The following ANKRD30B variants were observed in gnomAD, a reference collection of about 807,000 sequenced individuals.
ANKRD30B encodes ankyrin repeat domain-containing protein 30B.
ANKRD30B carries 144 observed loss-of-function variants against 202.2 expected under a neutral mutation model. The ratio of observed to expected loss-of-function variants is 0.71; its 90% CI spans 0.62 to 0.82. The LOEUF is 0.82. Ranked by LOEUF, ANKRD30B falls within the 40% of genes least tolerant of loss-of-function variation. The pLI, the probability that ANKRD30B is intolerant of heterozygous loss-of-function variation, is 0.00. For missense variants in ANKRD30B, 1,487 were observed against 1,669.1 expected (o/e 0.89, Z 1.90); for synonymous variants, 508 against 561.3 (o/e 0.91, Z 1.34).
intron 26 of ANKRD30B, among the ~76,000 whole-genome samples, chr18:14,809,103 C>A: frequency 7.5e-6 from 1 of 132,652 alleles, no homozygotes; most frequent in African/African-American, 2.9e-5. Flanking sequence ...GCCAACAATT[C>A]ACTAGATATA....
Position 14,852,181 on chromosome 18 carries a change from G to A in ANKRD30B, c.4237G>A (p.Glu1413Lys). Residue 1413 changes from glutamate (E) to lysine (K), a missense_variant, in exon 42 of 44, where the codon GAA (glutamate) becomes AAA (lysine). By Grantham distance (56) the Glu-to-Lys change is moderately conservative. This residue lies in a region of ANKRD30B where 182 missense variants were observed against 216.0 expected (regional missense o/e 0.84). Coordinates refer to ENST00000690538, the MANE Select transcript of ANKRD30B (RefSeq NM_001367607.2). ...ACAAGATAATGTGGACAAACACACT[G>A]AACAGCAGGAGTCTCTGGAGCAGAA... ...NEQDNVDKHT[E>K]QQESLEQKLF... is the part of the protein sequence containing the mutation. 6.3e-7 allele frequency: 1 copy of A among 1,594,242 alleles called. No individual in the cohort carries two copies.
chr18:14,867,429 G>T, the ANKRD30B span, among the ~76,000 whole-genome samples: 1 of 151,962 alleles, frequency 6.6e-6, no homozygotes, highest in Non-Finnish European at 1.5e-5. Flanking sequence ...TCCTCTTCCT[G>T]GACTCAAGGT....
At chr18:14,827,759 G>T (rs879970401) in intron 32 of ANKRD30B, among the ~76,000 whole-genome samples, 2 of 152,156 alleles carry the variant, frequency 1.3e-5, no homozygotes, top group African/African-American at 2.4e-5. Context: ...TACTAATTCT[G>T]CTAATAATAC....
In ANKRD30B at chr18:14,848,705, C is replaced by T; in HGVS notation, c.3182-11C>T. Reference sequence around the variant, plus strand: ...CTAATATATTTTATTTCTATCTCCTCCTTGAGACAGATTCAACTACCCTAT... The same window carrying T: ...CTAATATATTTTATTTCTATCTCCTTCTTGAGACAGATTCAACTACCCTAT... On this transcript the variant is annotated splice_polypyrimidine_tract_variant and intron_variant, in intron 39 of 43. Transcript: ENST00000690538. 1 of 1,504,206 alleles carries T rather than the reference C, an allele frequency of 6.6e-7. No homozygotes were observed. The highest frequency in any genetic ancestry group is 8.9e-7 in the Non-Finnish European group (1 of 1,128,646). The allele number at this position is 1,504,206 out of a possible 1,614,324, so 93.2% of individuals were successfully genotyped here.
Position 14,811,500 on chromosome 18 carries a change from C to T in ANKRD30B, c.2488+1320C>T, listed in dbSNP as rs1185338754. Among the ~76,000 whole-genome samples, 5 of 150,184 alleles carry T rather than the reference C, an allele frequency of 3.3e-5. No individual in the cohort carries two copies. The East Asian group carries it at 9.8e-4, about 29-fold the overall frequency. ...TGCTGGGATTAGAGGCGTGAGCCACCGCGCCCGGCCCAGAGTCTTTTTACA... is the reference window on the plus strand; with the variant it reads ...TGCTGGGATTAGAGGCGTGAGCCACTGCGCCCGGCCCAGAGTCTTTTTACA... On this transcript the variant is annotated intron_variant, in intron 28 of 43. Transcript: ENST00000690538.
At chr18:14,873,227 AT>A in the ANKRD30B span, among the ~76,000 whole-genome samples, 2 of 152,142 alleles carry the variant, frequency 1.3e-5, no homozygotes, top group African/African-American at 4.8e-5. Context: ...TATCTTTATA[AT>A]TAAAAGATAA....
chr18:14,891,989 C>T, the ANKRD30B span, among the ~76,000 whole-genome samples: 1 of 152,302 alleles, frequency 6.6e-6, no homozygotes, highest in South Asian at 2.1e-4. Context: ...GTAATTGTGG[C>T]TTTTGCCATT....
Position 14,818,680 on chromosome 18 carries a change from A to C in ANKRD30B, c.2642-3803A>C, listed in dbSNP as rs1970248546. Among the ~76,000 whole-genome samples the C allele has an allele frequency of 2.0e-5, 3 of 152,012 alleles. No individual in the cohort carries two copies. The South Asian group carries it at 6.2e-4, about 32-fold the overall frequency. On this transcript the variant is annotated intron_variant, in intron 30 of 43. Coordinates refer to ENST00000690538, the MANE Select transcript of ANKRD30B (RefSeq NM_001367607.2). ...TCCAGTTTCATCCATGTCCCTACAA[A>C]GGACATGAACTCATCATTTTTTATG... is the stretch of plus-strand genomic sequence containing the variant.
rs1312490453 is a variant in ANKRD30B at position 14,752,681 on chromosome 18, G to A, written c.336+1G>A. Reference sequence around the variant, plus strand: ...CGAAGGGAGGACACCTCTGATGAAGGTAAATAGTAGCCAGTTTTTTCAGCG... The same window carrying A: ...CGAAGGGAGGACACCTCTGATGAAGATAAATAGTAGCCAGTTTTTTCAGCG... On this transcript the variant is annotated splice_donor_variant, in intron 2 of 43. Coordinates refer to ENST00000690538, the MANE Select transcript of ANKRD30B (RefSeq NM_001367607.2). LOFTEE classifies it high-confidence loss of function. 6.3e-7 allele frequency: 1 copy of A among 1,595,328 alleles called. No homozygotes were observed. The highest frequency in any genetic ancestry group is 1.3e-5 in the African/African-American group (1 of 74,634).
chr18:14,796,282 A>G (rs1355965645), intron 17 of ANKRD30B, 33 bp downstream of exon 17: 1 of 1,609,774 alleles, frequency 6.2e-7, no homozygotes, highest in Non-Finnish European at 8.5e-7. Context: ...CTTGAATACT[A>G]ACTACATATT....
At chr18:14,868,899 C>T in the ANKRD30B span, among the ~76,000 whole-genome samples, 1 of 152,130 alleles carries the variant, frequency 6.6e-6, no homozygotes, top group African/African-American at 2.4e-5. Context: ...TGGTGTTCTG[C>T]TGCCTCCGTG....
At chr18:14,894,600 T>C in the ANKRD30B span, among the ~76,000 whole-genome samples, 4 of 152,102 alleles carry the variant, frequency 2.6e-5, no homozygotes, top group Non-Finnish European at 4.4e-5. Context: ...ATCAGAACAT[T>C]TAATCTTGTC....
At chr18:14,784,315 T>C in intron 12 of ANKRD30B, 21 bp from the exon 13 acceptor site, 2 of 1,609,326 alleles carry the variant, frequency 1.2e-6, no homozygotes, top group Non-Finnish European at 1.7e-6. Context: ...TGATTGATGA[T>C]AAATCTCTTT....
chr18:14,818,872 T>C (rs1210694646), intron 30 of ANKRD30B, among the ~76,000 whole-genome samples: 2 of 151,992 alleles, frequency 1.3e-5, no homozygotes, highest in East Asian at 1.9e-4. Flanking sequence ...TTTGGGTATA[T>C]ACCCAGTAAT....
intron 15 of ANKRD30B, among the ~76,000 whole-genome samples, chr18:14,787,770 G>A (rs1968180124): frequency 6.6e-6 from 1 of 152,160 alleles, no homozygotes; most frequent in Non-Finnish European, 1.5e-5. Context: ...TGTGTTTTAA[G>A]GTCACAACTG....
intron 30 of ANKRD30B, among the ~76,000 whole-genome samples, chr18:14,815,352 G>T (rs34350627): frequency 6.7e-6 from 1 of 149,994 alleles, no homozygotes; most frequent in Non-Finnish European, 1.5e-5. Flanking sequence ...TTAGAAAACC[G>T]TCTGAAAACC....
At chr18:14,929,139 T>C in the ANKRD30B span, among the ~76,000 whole-genome samples, 1 of 152,242 alleles carries the variant, frequency 6.6e-6, no homozygotes, top group African/African-American at 2.4e-5. Flanking sequence ...CCTGCGTGGC[T>C]CTCACCCTTG....
intron 32 of ANKRD30B, among the ~76,000 whole-genome samples, chr18:14,823,950 A>G (rs957833221): frequency 3.5e-4 from 53 of 152,222 alleles, no homozygotes. Flanking sequence ...AGCCTTGGTA[A>G]CAGAGTGAGA....
At chr18:14,790,893 A>G (rs906899839) in intron 15 of ANKRD30B, among the ~76,000 whole-genome samples, 2 of 152,054 alleles carry the variant, frequency 1.3e-5, no homozygotes, top group African/African-American at 2.4e-5. Flanking sequence ...TATCAGGATG[A>G]TGCTGGCCTC....
Sources: allele counts gnomAD v4.1 joint callset (sites outside exome capture counted in the v4.1 genomes callset), GRCh38; gene constraint gnomAD v4.1.1; regional missense constraint gnomAD v4.1.1; transcripts MANE v1.5; gene names NCBI Gene and HGNC (gene_info 2026-07-23, HGNC 2026-07-21).